Variants in MEGF10 observed in about 807,000 individuals in gnomAD.
MEGF10 encodes multiple EGF like domains 10.
MEGF10 carries 86 observed loss-of-function variants against 147.5 expected under a neutral mutation model. The observed-to-expected ratio is 0.58, with a 90% confidence interval of 0.49 to 0.70. MEGF10 has a LOEUF of 0.70. MEGF10 is among the 30% of genes least tolerant of loss of function. The pLI is 0.00. For synonymous variants in MEGF10, 478 were observed against 525.5 expected, an observed-to-expected ratio of 0.91 and a Z score of 1.24; for missense variants, 1,329 against 1,487.3, an observed-to-expected ratio of 0.89 and a Z score of 1.75.
chr5:127,419,127 A>G lies in MEGF10; in HGVS notation c.1313A>G (p.Asp438Gly). ...CTCAPGFKGI[D>G]CSTPCPLGTY... ...CTACTTGTGCCTGTCTAGGGAATTG[A>G]CTGCTCTACCCCATGCCCTCTGGGA... Residue 438 changes from aspartate (D) to glycine (G), a missense_variant, in exon 11 of 25, where the codon GAC becomes GGC. Asp to Gly is a moderately conservative substitution (Grantham distance 94). This residue lies in a region of MEGF10 where 980 missense variants were observed against 1,085.9 expected (regional missense o/e 0.90). Transcript: ENST00000503335. 1 of 1,604,928 alleles carries G rather than the reference A, an allele frequency of 6.2e-7. No individual in the cohort carries two copies. Among genetic ancestry groups the G allele is most frequent in the Non-Finnish European group, 8.5e-7 (1 of 1,177,642 alleles).
chr5:127,448,989 C>G, intron 21 of MEGF10, 110 bp from the exon 22 acceptor site: 1 of 1,444,754 alleles, frequency 6.9e-7, no homozygotes, highest in Non-Finnish European at 9.4e-7. Context: ...TCAGGTCACT[C>G]TAAGGACTGG....
the MEGF10 span, among the ~76,000 whole-genome samples, chr5:127,239,904 C>T: frequency 7.9e-5 from 12 of 152,288 alleles, 1 homozygote; most frequent in Admixed American, 1.3e-4. Context: ...CTCATCCTTA[C>T]TTCTACCCAG....
intron 13 of MEGF10, chr5:127,424,304 A>G (rs780616677): frequency 1.1e-5 from 8 of 703,102 alleles, no homozygotes; most frequent in Admixed American, 2.0e-5. Flanking sequence ...AAACTGAGAA[A>G]TTGAAATCCT....
intron 10 of MEGF10, among the ~76,000 whole-genome samples, chr5:127,418,708 T>A (rs1312047349): frequency 6.6e-6 from 1 of 152,252 alleles, no homozygotes; most frequent in African/African-American, 2.4e-5. Context: ...TTACATATCA[T>A]ACAAGGATAT....
the MEGF10 span, among the ~76,000 whole-genome samples, chr5:127,245,602 A>ACC: frequency 2.6e-5 from 4 of 152,242 alleles, no homozygotes; most frequent in South Asian, 8.3e-4. Context: ...GCCAAAATTA[A>ACC]CAAATGCAAT....
upstream of MEGF10, among the ~76,000 whole-genome samples, chr5:127,290,485 G>T (rs1000168746): frequency 6.6e-6 from 1 of 152,138 alleles, no homozygotes; most frequent in Non-Finnish European, 1.5e-5. Flanking sequence ...TGGGAATCAG[G>T]CGGGCACCCA....
the MEGF10 span, among the ~76,000 whole-genome samples, chr5:127,261,059 T>A: frequency 6.6e-6 from 1 of 152,176 alleles, no homozygotes; most frequent in Non-Finnish European, 1.5e-5. Context: ...CCTTCCTTCT[T>A]CCTTTTCATT....
chr5:127,250,101 A>G, the MEGF10 span, among the ~76,000 whole-genome samples: 1 of 152,234 alleles, frequency 6.6e-6, no homozygotes, highest in African/African-American at 2.4e-5. Flanking sequence ...CATTTAAACG[A>G]TAGCAAATAT....
At chr5:127,415,932 TAAAC>T (rs1047009426) in intron 9 of MEGF10, among the ~76,000 whole-genome samples, 20 of 149,596 alleles carry the variant, frequency 1.3e-4, no homozygotes, top group African/African-American at 4.7e-4. Flanking sequence ...AACTTCTAGA[TAAAC>T]TAAGTGACTG....
intron 15 of MEGF10, 139 bp downstream of exon 15, chr5:127,434,960 C>T: frequency 8.2e-7 from 1 of 1,217,082 alleles, no homozygotes; most frequent in Non-Finnish European, 1.1e-6. Context: ...GCTGTGTCTG[C>T]AGCTTCTCAG....
At chr5:127,260,558 A>G in the MEGF10 span, among the ~76,000 whole-genome samples, 10 of 152,172 alleles carry the variant, frequency 6.6e-5, no homozygotes, top group African/African-American at 2.4e-4. Context: ...ATCAGGCTGA[A>G]CCCTGAAGCT....
At chr5:127,372,804 C>A (rs1191531685) in intron 5 of MEGF10, among the ~76,000 whole-genome samples, 1 of 152,170 alleles carries the variant, frequency 6.6e-6, no homozygotes, top group Non-Finnish European at 1.5e-5. Context: ...CTGGTGTCAT[C>A]ACTTGGTTAA....
Position 127,402,680 on chromosome 5 carries a change from A to G in MEGF10, c.915A>G (p.Glu305=), listed in dbSNP as rs760009548. 1.2e-6 allele frequency: 2 copies of G among 1,613,926 alleles called. No homozygotes were observed. Among genetic ancestry groups the G allele is most frequent in the Non-Finnish European group, 8.5e-7 (1 of 1,179,906 alleles). Residue 305 remains glutamate, a splice_region_variant and synonymous_variant, in exon 8 of 25, where the codon GAA becomes GAG. Transcript: ENST00000503335. ...ATTGCAGTCCAGGATACACAGGGGA[A>G]CGGTAAGGGATGCCCTTGTATTTCT... is the stretch of plus-strand genomic sequence containing the variant. ...QCHCSPGYTG[E]RCQDECPVGT...
chr5:127,323,311 T>A (rs1319919192), intron 1 of MEGF10, among the ~76,000 whole-genome samples: 1 of 152,192 alleles, frequency 6.6e-6, no homozygotes, highest in Non-Finnish European at 1.5e-5. Context: ...AGGTCAATTC[T>A]TCTAGAAAGT....
At chr5:127,351,934 G>A (rs900056642) in intron 4 of MEGF10, among the ~76,000 whole-genome samples, 7 of 152,132 alleles carry the variant, frequency 4.6e-5, no homozygotes, top group Admixed American at 2.0e-4. Flanking sequence ...ATCAACAGAC[G>A]GAATAGGTGG....
chr5:127,233,902 C>T, the MEGF10 span, among the ~76,000 whole-genome samples: 5 of 152,122 alleles, frequency 3.3e-5, no homozygotes, highest in African/African-American at 9.7e-5. Context: ...TTCATTTATT[C>T]CTGGACATTA....
chr5:127,247,234 A>C, the MEGF10 span, among the ~76,000 whole-genome samples: 2 of 145,708 alleles, frequency 1.4e-5, no homozygotes, highest in South Asian at 2.2e-4. Flanking sequence ...AGAAAAAAAA[A>C]CTCACAGAAA....
chr5:127,244,187 ACT>A, the MEGF10 span, among the ~76,000 whole-genome samples: 2 of 107,840 alleles, frequency 1.9e-5, no homozygotes, highest in Non-Finnish European at 3.6e-5. Context: ...CAAGAGAGAA[ACT>A]CTGTCCAAAA....
At chr5:127,409,875 C>G (rs1217035272) in intron 8 of MEGF10, 1 of 160,134 alleles carries the variant, frequency 6.2e-6, no homozygotes, top group African/African-American at 2.4e-5. Flanking sequence ...GGAATGATTA[C>G]CATTCAGCTT....
Sources: gnomAD v4.1 joint callset for allele counts (sites outside exome capture counted in the v4.1 genomes callset) on GRCh38, gnomAD v4.1.1 for gene constraint, gnomAD v4.1.1 regional missense constraint, MANE v1.5 for transcripts, NCBI Gene and HGNC (gene_info 2026-07-23, HGNC 2026-07-21) for gene names.